Variants in CD99L2 observed in about 807,000 individuals in gnomAD.
The protein encoded by CD99L2 is CD99 molecule like 2, also known as CD99 antigen-like protein 2.
CD99L2 carries 24 observed loss-of-function variants against 27.3 expected under a neutral mutation model. The observed-to-expected ratio is 0.88, with a 90% CI of 0.64 to 1.24. The LOEUF (loss-of-function observed/expected upper bound fraction) is 1.24, where lower values mean the gene tolerates loss of function less well. Ranked by LOEUF, CD99L2 falls within the 50% of genes most tolerant of loss-of-function variation. The pLI is 0.00. For missense variants in CD99L2, 255 were observed against 221.6 expected (o/e 1.15, Z -0.96); for synonymous variants, 97 against 87.9 (o/e 1.10, Z -0.58).
chrX:150,866,767 C>T (rs1433410520), intron 1 of CD99L2, among the ~76,000 whole-genome samples: 16 of 111,326 alleles, frequency 1.4e-4, no homozygotes, highest in African/African-American at 5.2e-4. Flanking sequence ...TTCTAATTAC[C>T]TTGATTTGAT....
intron 7 of CD99L2, among the ~76,000 whole-genome samples, chrX:150,786,348 A>G (rs1412812154): frequency 9.1e-6 from 1 of 109,892 alleles, no homozygotes; most frequent in African/African-American, 3.3e-5. Context: ...TTCATTAGTT[A>G]TTTTTCCCGA....
chrX:150,891,066 T>C (rs782234338), intron 1 of CD99L2, among the ~76,000 whole-genome samples: 3 of 112,971 alleles, frequency 2.7e-5, no homozygotes, highest in African/African-American at 9.6e-5. Flanking sequence ...ATGCTGAACT[T>C]AGAGCATTCT....
intron 7 of CD99L2, among the ~76,000 whole-genome samples, chrX:150,790,915 T>C (rs2045676684): frequency 8.9e-6 from 1 of 111,825 alleles, no homozygotes. Context: ...TAACCTCCAA[T>C]GTGATGATAT....
At chrX:150,798,336 G>C (rs1370130949) in intron 4 of CD99L2, among the ~76,000 whole-genome samples, 1 of 106,961 alleles carries the variant, frequency 9.3e-6, no homozygotes, top group African/African-American at 3.4e-5. Context: ...AAAAGGGAAA[G>C]GAAAGGAGGA....
At chrX:150,897,736 G>C (rs181657755) in intron 1 of CD99L2, among the ~76,000 whole-genome samples, 146 of 111,771 alleles carry the variant, frequency 1.3e-3, no homozygotes, top group Non-Finnish European at 2.3e-3. Flanking sequence ...TTTAACCACA[G>C]ACTGCATTTA....
At chrX:150,775,508 C>G (rs782031670) in intron 9 of CD99L2, among the ~76,000 whole-genome samples, 9 of 112,742 alleles carry the variant, frequency 8.0e-5, no homozygotes, top group Non-Finnish European at 1.3e-4. Flanking sequence ...GACTTCCAGA[C>G]TCACAGCTAC....
chrX:150,791,373 A>G, intron 7 of CD99L2, among the ~76,000 whole-genome samples: 1 of 112,014 alleles, frequency 8.9e-6, no homozygotes, highest in South Asian at 3.8e-4. Context: ...TGACATACAG[A>G]ATTGGACACC....
At chrX:150,871,318 C>A (rs1330637726) in intron 1 of CD99L2, among the ~76,000 whole-genome samples, 4 of 111,479 alleles carry the variant, frequency 3.6e-5, no homozygotes, top group African/African-American at 6.5e-5. Flanking sequence ...TATTTATATC[C>A]TCTATCTCTC....
chrX:150,798,131 AAAGG>A (rs1219404290), intron 4 of CD99L2, among the ~76,000 whole-genome samples: 5 of 35,371 alleles, frequency 1.4e-4, no homozygotes, highest in East Asian at 9.7e-4. Flanking sequence ...GGGAGGGAGG[AAAGG>A]AAGGAAGGAA....
chrX:150,770,846 G>C (rs1287211287), intron 9 of CD99L2, among the ~76,000 whole-genome samples: 5 of 112,733 alleles, frequency 4.4e-5, no homozygotes, highest in African/African-American at 1.6e-4. Flanking sequence ...CTGCCAACAT[G>C]CAGCCTCCCA....
In CD99L2 at chrX:150,766,876, G is replaced by A. The variant is rs1046000857; in HGVS notation, c.*2158C>T. 2.7e-5 allele frequency: 3 copies of A among 112,017 alleles called. No individual in the cohort carries two copies. Among genetic ancestry groups the A allele is most frequent in the Non-Finnish European group, 3.8e-5 (2 of 53,172 alleles). 9.2% of individuals were successfully genotyped at this position (112,017 alleles called of 1,213,427 possible). ...TGTCCAGTCACTAGGAGCTGCCACCGGTGGGCTTGAGTGCCAGGCTCTAGG... is the reference window on the plus strand; with the variant it reads ...TGTCCAGTCACTAGGAGCTGCCACCAGTGGGCTTGAGTGCCAGGCTCTAGG... On this transcript the variant is annotated 3_prime_UTR_variant, in exon 11 of 11. Coordinates refer to ENST00000370377, the MANE Select transcript of CD99L2 (RefSeq NM_031462.4).
At chrX:150,867,604 A>C (rs2047082028) in intron 1 of CD99L2, among the ~76,000 whole-genome samples, 1 of 109,780 alleles carries the variant, frequency 9.1e-6, no homozygotes, top group Non-Finnish European at 1.9e-5. Flanking sequence ...TCTCTAATAA[A>C]ACTACATGGC....
At chrX:150,839,228 CT>C (rs1239011278) in intron 1 of CD99L2, among the ~76,000 whole-genome samples, 1 of 111,891 alleles carries the variant, frequency 8.9e-6, no homozygotes, top group Non-Finnish European at 1.9e-5. Context: ...CTAAGGTAGA[CT>C]TTTGCTTCTT....
At chrX:150,808,484 T>C (rs1202769169) in intron 4 of CD99L2, among the ~76,000 whole-genome samples, 3 of 111,817 alleles carry the variant, frequency 2.7e-5, no homozygotes, top group African/African-American at 9.8e-5. Context: ...TGAAAGAGAA[T>C]GCCAGTCTTA....
chrX:150,775,693 G>A (rs1431005440), intron 9 of CD99L2, among the ~76,000 whole-genome samples: 2 of 112,438 alleles, frequency 1.8e-5, no homozygotes, highest in Non-Finnish European at 3.8e-5. Flanking sequence ...TGTGACGGGG[G>A]CACTGCCAGA....
intron 1 of CD99L2, among the ~76,000 whole-genome samples, chrX:150,878,981 A>T (rs1261375591): frequency 8.9e-6 from 1 of 112,031 alleles, no homozygotes; most frequent in African/African-American, 3.2e-5. Flanking sequence ...AAGCTAATTT[A>T]AGGACTTTCT....
Position 150,898,664 on chromosome X carries a change from G to A in CD99L2, c.-76C>T, listed in dbSNP as rs1172110978. 4 of 940,273 alleles carry A rather than the reference G, an allele frequency of 4.3e-6. No homozygotes were observed. Among genetic ancestry groups the A allele is most frequent in the East Asian group, 4.3e-5 (1 of 23,295 alleles). The allele number at this position is 940,273 out of a possible 1,213,427, so 77.5% of individuals were successfully genotyped here. A position where few individuals can be genotyped will look rare whatever the true frequency, so the allele number is the denominator to read the frequency against. ...CCCGAAGGGGAGGCCGAGGAGGAGC[G>A]GGAGGAGGAGCCCCGCCGCCTCTGC... On this transcript the variant is annotated 5_prime_UTR_variant, in exon 1 of 11. Transcript: ENST00000370377.
chrX:150,895,756 G>C (rs1187018914), intron 1 of CD99L2, among the ~76,000 whole-genome samples: 2 of 111,562 alleles, frequency 1.8e-5, no homozygotes, highest in Non-Finnish European at 3.8e-5. Flanking sequence ...GGCTGGGCAC[G>C]GTGGCTCACA....
rs1157794393 is a variant in CD99L2 at position 150,770,387 on chromosome X, CAG to C, written c.656-20_656-19del. 4.2e-6 allele frequency: 5 copies of C among 1,202,490 alleles called. No homozygotes were observed. The highest frequency in any genetic ancestry group is 3.5e-5 in the African/African-American group (2 of 57,656). On this transcript the variant is annotated intron_variant, in intron 9 of 10. Coordinates refer to ENST00000370377, the MANE Select transcript of CD99L2 (RefSeq NM_031462.4). Reference sequence around the variant, plus strand: ...GAGACCCTCTGCAAAGGGAAAAGGGCAGAGTTAGTGATGCGCACAGGACCTAA... The same window carrying C: ...GAGACCCTCTGCAAAGGGAAAAGGGCAGTTAGTGATGCGCACAGGACCTAA...
Sources: gnomAD v4.1 joint callset for allele counts (sites outside exome capture counted in the v4.1 genomes callset) on GRCh38, gnomAD v4.1.1 for gene constraint, MANE v1.5 for transcripts, NCBI Gene and HGNC (gene_info 2026-07-23, HGNC 2026-07-21) for gene names.